RPS6KC1: variants seen among roughly 807,000 people sequenced by gnomAD.
RPS6KC1 encodes the protein inactive ribosomal protein S6 kinase delta-1.
RPS6KC1 carries 54 observed loss-of-function variants against 103.8 expected under a neutral mutation model. The observed-to-expected ratio is 0.52, with a 90% CI of 0.42 to 0.65. RPS6KC1 has a LOEUF of 0.65. Ranked by LOEUF, RPS6KC1 falls within the 30% of genes least tolerant of loss-of-function variation. The pLI is 0.00. For missense variants in RPS6KC1, 1,151 were observed against 1,253.8 expected, an observed-to-expected ratio of 0.92 and a Z score of 1.24; for synonymous variants, 439 against 438.7, an observed-to-expected ratio of 1.00 and a Z score of -0.01.
chr1:213,272,765 G>T lies in RPS6KC1; in HGVS notation c.*131G>T. On this transcript the variant is annotated 3_prime_UTR_variant, in exon 15 of 15. Coordinates refer to ENST00000366960, the MANE Select transcript of RPS6KC1 (RefSeq NM_012424.6). ...TGGATAAAGACCGTTATAGGAAATG[G>T]GGGGGAAATGGCTAAAAGAGAACAA... The T allele has an allele frequency of 1.6e-6, 1 of 639,440 alleles. No homozygotes were observed. The highest frequency in any genetic ancestry group is 4.3e-4 in the Middle Eastern group (1 of 2,346). 39.6% of individuals were successfully genotyped at this position (639,440 alleles called of 1,614,324 possible).
chr1:213,489,119 A>G, the RPS6KC1 span, among the ~76,000 whole-genome samples: 4 of 152,220 alleles, frequency 2.6e-5, no homozygotes, highest in Admixed American at 2.6e-4. Flanking sequence ...AAGAAAAAAA[A>G]TCTCAAGAAG....
At chr1:213,390,071 C>T in the RPS6KC1 span, among the ~76,000 whole-genome samples, 2,571 of 152,200 alleles carry the variant, frequency 0.017, 74 homozygotes, top group African/African-American at 0.057. Flanking sequence ...GCAAGATAAA[C>T]GATCTTATTT....
chr1:213,437,267 T>A, the RPS6KC1 span, among the ~76,000 whole-genome samples: 1 of 152,112 alleles, frequency 6.6e-6, no homozygotes, highest in Non-Finnish European at 1.5e-5. Flanking sequence ...ATTGAAATGG[T>A]TATATATTTT....
the RPS6KC1 span, among the ~76,000 whole-genome samples, chr1:213,339,837 C>T: frequency 2.0e-5 from 3 of 152,112 alleles, no homozygotes; most frequent in South Asian, 6.2e-4. Context: ...GCCCTGAGGG[C>T]AATAGCCTGA....
At chr1:213,431,999 A>C in the RPS6KC1 span, among the ~76,000 whole-genome samples, 9 of 152,212 alleles carry the variant, frequency 5.9e-5, no homozygotes, top group Non-Finnish European at 1.2e-4. Flanking sequence ...TGGCAGGGGC[A>C]TACTGTATCT....
chr1:213,842,385 CCAT>C, the RPS6KC1 span: 4 of 152,182 alleles, frequency 2.6e-5, no homozygotes, highest in Middle Eastern at 3.2e-3. Flanking sequence ...CCCTCCACCA[CCAT>C]ATTTGTGCCC....
the RPS6KC1 span, among the ~76,000 whole-genome samples, chr1:213,448,133 G>A: frequency 2.6e-5 from 4 of 150,954 alleles, no homozygotes; most frequent in Admixed American, 2.7e-4. Context: ...AGCCACTTGG[G>A]AGGCTAAGGT....
At chr1:213,753,988 A>G in the RPS6KC1 span, among the ~76,000 whole-genome samples, 2 of 152,026 alleles carry the variant, frequency 1.3e-5, no homozygotes, top group Admixed American at 1.3e-4. Context: ...GAGGGCGGAG[A>G]ACACCGAGAG....
the RPS6KC1 span, among the ~76,000 whole-genome samples, chr1:213,305,412 T>C: frequency 6.6e-6 from 1 of 152,180 alleles, no homozygotes; most frequent in East Asian, 1.9e-4. Flanking sequence ...CTAGACCAAA[T>C]TGGGATTTAA....
chr1:213,847,604 G>A, the RPS6KC1 span, among the ~76,000 whole-genome samples: 513 of 152,296 alleles, frequency 3.4e-3, 3 homozygotes, highest in African/African-American at 0.01. Context: ...GGACAGGTGA[G>A]GCTGAAACCC....
intron 8 of RPS6KC1, among the ~76,000 whole-genome samples, chr1:213,188,264 C>A (rs1296920210): frequency 1.3e-5 from 2 of 151,900 alleles, no homozygotes; most frequent in African/African-American, 4.8e-5. Flanking sequence ...ACCTGGATGA[C>A]CCCCTCAGTC....
the RPS6KC1 span, among the ~76,000 whole-genome samples, chr1:213,760,242 C>CACAT: frequency 3.2e-4 from 49 of 152,328 alleles, no homozygotes; most frequent in Admixed American, 5.2e-4. Flanking sequence ...AGAAATCACA[C>CACAT]ACATACATAC....
intron 6 of RPS6KC1, among the ~76,000 whole-genome samples, chr1:213,164,398 C>T (rs1023323700): frequency 6.6e-6 from 1 of 152,162 alleles, no homozygotes; most frequent in Non-Finnish European, 1.5e-5. Context: ...TACTCAGCTA[C>T]TCCCTATCAG....
chr1:213,815,519 C>T, the RPS6KC1 span, among the ~76,000 whole-genome samples: 1 of 152,080 alleles, frequency 6.6e-6, no homozygotes, highest in Admixed American at 6.6e-5. Context: ...AACTTATAAA[C>T]TGAAATCGAA....
chr1:213,312,905 G>A, the RPS6KC1 span, among the ~76,000 whole-genome samples: 15 of 152,188 alleles, frequency 9.9e-5, no homozygotes, highest in Non-Finnish European at 1.6e-4. Flanking sequence ...AGTGGGTTCT[G>A]TTTAACAGAT....
the RPS6KC1 span, among the ~76,000 whole-genome samples, chr1:213,753,066 G>A: frequency 1.3e-5 from 2 of 152,176 alleles, no homozygotes; most frequent in African/African-American, 4.8e-5. Context: ...CAGGACACAG[G>A]TTAATGTCGA....
At chr1:213,254,807 C>G (rs2094606063) in intron 12 of RPS6KC1, among the ~76,000 whole-genome samples, 1 of 152,110 alleles carries the variant, frequency 6.6e-6, no homozygotes, top group African/African-American at 2.4e-5. Context: ...TTGTTTTTCT[C>G]TGATCATGTT....
At chr1:213,278,881 A>AT (rs909099893), downstream of RPS6KC1, among the ~76,000 whole-genome samples, 11 of 151,312 alleles carry the variant, frequency 7.3e-5, no homozygotes, top group South Asian at 4.2e-4. Context: ...TAAACATAAG[A>AT]TTTTTTTTTC....
the RPS6KC1 span, among the ~76,000 whole-genome samples, chr1:213,812,107 T>C: frequency 6.6e-6 from 1 of 152,126 alleles, no homozygotes. Flanking sequence ...AGCTTCACTT[T>C]AACTTTTGTG....
Sources: allele counts gnomAD v4.1 joint callset (sites outside exome capture counted in the v4.1 genomes callset), GRCh38; gene constraint gnomAD v4.1.1; transcripts MANE v1.5; gene names NCBI Gene and HGNC (gene_info 2026-07-23, HGNC 2026-07-21).